The following TECPR2 variants were observed in gnomAD, a reference collection of about 807,000 sequenced individuals.
TECPR2 encodes tectonin beta-propeller repeat-containing protein 2.
TECPR2 carries 65 observed loss-of-function variants against 138.1 expected under a neutral mutation model. The ratio of observed to expected loss-of-function variants is 0.47; its 90% CI spans 0.39 to 0.58. The LOEUF (loss-of-function observed/expected upper bound fraction) is 0.58, where lower values mean the gene tolerates loss of function less well. Among genes scored for constraint, TECPR2 ranks in the 20% least tolerant of loss-of-function variants. The pLI is 0.00. For missense variants in TECPR2, 1,553 were observed against 1,824.5 expected, an observed-to-expected ratio of 0.85 and a Z score of 2.71; for synonymous variants, 746 against 749.8, an observed-to-expected ratio of 0.99 and a Z score of 0.08.
chr14:102,452,743 G>A (rs1890179967), intron 16 of TECPR2, 116 bp downstream of exon 16: 9 of 799,192 alleles, frequency 1.1e-5, no homozygotes, highest in Admixed American at 4.9e-5. Flanking sequence ...GTTCTGAGGG[G>A]GTGTTTATAA....
intron 17 of TECPR2, among the ~76,000 whole-genome samples, chr14:102,466,442 G>A (rs1890552262): frequency 6.6e-6 from 1 of 152,190 alleles, no homozygotes; most frequent in South Asian, 2.1e-4. Context: ...CGTACTCATA[G>A]TGGCACAGAG....
intron 1 of TECPR2, among the ~76,000 whole-genome samples, chr14:102,369,825 G>A (rs1029796318): frequency 3.3e-5 from 5 of 151,880 alleles, no homozygotes; most frequent in African/African-American, 9.7e-5. Flanking sequence ...AGGCGTGGTG[G>A]CAGGTGCCTG....
rs202219310 is a variant in TECPR2, at chr14:102,434,533, C to G, written c.1716C>G (p.His572Gln). 2 of 1,555,778 alleles carry G rather than the reference C, an allele frequency of 1.3e-6. No individual in the cohort carries two copies. Among genetic ancestry groups the G allele is most frequent in the Non-Finnish European group, 1.7e-6 (2 of 1,149,830 alleles). The change falls in exon 9 of 20, where the codon CAC becomes CAG. Residue 572 changes from histidine (H) to glutamine (Q), a missense_variant. Physicochemically the swap from His to Gln is conservative, Grantham distance 24. Transcript: ENST00000359520. ...EEDDIRTEMP[H>Q]CHHAHGRELL... ...ATGACATTAGAACTGAAATGCCACA[C>G]TGTCACCATGCACATGGGCGGGAGC...
chr14:102,439,021 C>T (rs3783376), intron 10 of TECPR2, among the ~76,000 whole-genome samples: 33,055 of 151,878 alleles, frequency 0.22, 4,275 homozygotes, highest in Middle Eastern at 0.31. Context: ...GCCACCACGC[C>T]CAGCTAATTT....
rs569317598 is a variant in TECPR2 at position 102,366,393 on chromosome 14, C to T, written c.-73+3277C>T. On this transcript the variant is annotated intron_variant, in intron 1 of 19. Coordinates refer to ENST00000359520, the MANE Select transcript of TECPR2 (RefSeq NM_014844.5). Reference sequence around the variant, plus strand: ...ATGAAATATCACTCTGTCACCCAGGCTGGAGTGCAGTGGCACGATCTTGGT... The same window carrying T: ...ATGAAATATCACTCTGTCACCCAGGTTGGAGTGCAGTGGCACGATCTTGGT... 2.0e-5 allele frequency among the ~76,000 whole-genome samples: 3 copies of T among 152,304 alleles called. No homozygotes were observed. In the South Asian group the frequency reaches 6.2e-4, roughly 32 times the overall value.
At chr14:102,383,037 C>T (rs550288997) in intron 2 of TECPR2, among the ~76,000 whole-genome samples, 49 of 152,286 alleles carry the variant, frequency 3.2e-4, no homozygotes, top group Middle Eastern at 3.4e-3. Flanking sequence ...GGATGACAGG[C>T]GTGAGCCACT....
intron 5 of TECPR2, among the ~76,000 whole-genome samples, chr14:102,417,418 A>G (rs546329825): frequency 6.6e-6 from 1 of 152,328 alleles, no homozygotes; most frequent in African/African-American, 2.4e-5. Flanking sequence ...AAACACAATG[A>G]GAGAGACTGT....
At chr14:102,475,879 G>A (rs921976791) in intron 17 of TECPR2, among the ~76,000 whole-genome samples, 1 of 152,142 alleles carries the variant, frequency 6.6e-6, no homozygotes, top group African/African-American at 2.4e-5. Context: ...GAAGCTAGTA[G>A]AGAGATTCAG....
At chr14:102,481,800 G>A (rs1473941073) in intron 17 of TECPR2, among the ~76,000 whole-genome samples, 2 of 152,152 alleles carry the variant, frequency 1.3e-5, no homozygotes, top group Admixed American at 1.3e-4. Context: ...AGGTGTTTCT[G>A]GTTGACTCTC....
At chr14:102,490,976 C>T (rs1172370124) in intron 17 of TECPR2, among the ~76,000 whole-genome samples, 2 of 152,116 alleles carry the variant, frequency 1.3e-5, no homozygotes, top group South Asian at 2.1e-4. Flanking sequence ...CTCTCTGCAA[C>T]CTCTGCCTCC....
chr14:102,449,940 A>G, intron 14 of TECPR2, 71 bp downstream of exon 14: 1 of 1,575,350 alleles, frequency 6.3e-7, no homozygotes. Flanking sequence ...ATTTAAAGAA[A>G]AGCTTTAAGA....
Position 102,384,218 on chromosome 14 carries a change from C to T in TECPR2, c.219+7278C>T, listed in dbSNP as rs999349249. Among the ~76,000 whole-genome samples the T allele has an allele frequency of 4.6e-5, 7 of 152,024 alleles. No homozygotes were observed. The South Asian group carries it at 8.3e-4, about 18-fold the overall frequency. ...ACGGGTGTGAGCCACTGCATCCGGC[C>T]GGAAGTTGTTTTTATTTTTTTACTA... On this transcript the variant is annotated intron_variant, in intron 2 of 19. Coordinates refer to ENST00000359520, the MANE Select transcript of TECPR2 (RefSeq NM_014844.5).
chr14:102,398,233 G>T lies in TECPR2; in HGVS notation c.220-9105G>T, dbSNP rs77705602. 1.0e-3 allele frequency among the ~76,000 whole-genome samples: 156 copies of T among 152,188 alleles called. 1 individual carries two copies. In the East Asian group the frequency reaches 0.016, roughly 15 times the overall value. The stretch of plus-strand genomic sequence containing the variant: ...ACTGAAATGAGAAATTCACTGGAGG[G>T]ATTCAAAGGCAGATTTGAGTAGGCA... On this transcript the variant is annotated intron_variant, in intron 2 of 19. Coordinates refer to ENST00000359520, the MANE Select transcript of TECPR2 (RefSeq NM_014844.5).
intron 17 of TECPR2, 23 bp downstream of exon 17, chr14:102,465,312 A>G: frequency 1.2e-6 from 2 of 1,611,470 alleles, no homozygotes; most frequent in Non-Finnish European, 1.7e-6. Context: ...TAGCTGGTGG[A>G]ACTCACTCTT....
rs1263245189 is a variant in TECPR2, at chr14:102,419,033, C to T, written c.638+4240C>T. 1.3e-5 allele frequency among the ~76,000 whole-genome samples: 2 copies of T among 151,830 alleles called. No individual in the cohort carries two copies. Among genetic ancestry groups the T allele is most frequent in the African/African-American group, 2.4e-5 (1 of 41,304 alleles). On this transcript the variant is annotated intron_variant, in intron 5 of 19. Transcript: ENST00000359520. This position sits in a 1 kb window ranked among gnomAD's most constrained non-coding sequence, Gnocchi z 4.8. ...GAGAGCTGGCGTGGGAGGCGGGTGG[C>T]GGGTGTACCTCTCGGGGAGCTGTGC...
At position 102,440,699 on chromosome 14, in the gene TECPR2, C is replaced by A. The variant is rs574314061; in HGVS notation, c.2752+90C>A. ...TTGCTAGTAACATGCTTACCACAAT[C>A]GCTATGATTAAGAGGCTAAATCCAT... is the stretch of plus-strand genomic sequence containing the variant. On this transcript the variant is annotated intron_variant, in intron 11 of 19. Transcript: ENST00000359520. The A allele has an allele frequency of 9.0e-6, 13 of 1,449,012 alleles. No individual in the cohort carries two copies. The South Asian group carries it at 1.6e-4, about 18-fold the overall frequency. 89.8% of individuals were successfully genotyped at this position (1,449,012 alleles called of 1,614,324 possible).
At chr14:102,476,032 C>A (rs1890750555) in intron 17 of TECPR2, among the ~76,000 whole-genome samples, 1 of 151,824 alleles carries the variant, frequency 6.6e-6, no homozygotes, top group African/African-American at 2.4e-5. Context: ...CATGGCAAAA[C>A]CTCATCTCTA....
intron 2 of TECPR2, among the ~76,000 whole-genome samples, chr14:102,387,217 C>T (rs1159998004): frequency 1.3e-5 from 2 of 152,100 alleles, no homozygotes; most frequent in Non-Finnish European, 2.9e-5. Flanking sequence ...TAAATATAGC[C>T]TTGCATGTGT....
At chr14:102,437,576 T>C (rs1376781416) in intron 9 of TECPR2, among the ~76,000 whole-genome samples, 8 of 147,702 alleles carry the variant, frequency 5.4e-5, no homozygotes, top group Non-Finnish European at 1.0e-4. Flanking sequence ...AAAAAGAAAA[T>C]ATGGTGGAAA....
Sources: allele counts gnomAD v4.1 joint callset (sites outside exome capture counted in the v4.1 genomes callset), GRCh38; gene constraint gnomAD v4.1.1; non-coding constraint Gnocchi (gnomAD v3.1); transcripts MANE v1.5; gene names NCBI Gene and HGNC (gene_info 2026-07-23, HGNC 2026-07-21).